Variants in OTOG observed in about 807,000 individuals in gnomAD.
OTOG encodes the protein otogelin.
A neutral mutation model predicts 313.8 loss-of-function variants in OTOG; 296 were observed. The ratio of observed to expected loss-of-function variants is 0.94; its 90% CI spans 0.86 to 1.04. The LOEUF (loss-of-function observed/expected upper bound fraction) is 1.04, where lower values mean the gene tolerates loss of function less well. Among genes scored for constraint, OTOG ranks in the 50% least tolerant of loss-of-function variants. The pLI is 0.00. For missense variants in OTOG, 3,948 were observed against 3,840.1 expected (o/e 1.03, Z -0.74); for synonymous variants, 1,533 against 1,554.9 (o/e 0.99, Z 0.33).
chr11:17,576,643 G>T lies in OTOG; in HGVS notation c.2561+13G>T, dbSNP rs1488989282. The T allele has an allele frequency of 1.3e-6, 2 of 1,543,090 alleles. No homozygotes were observed. Among genetic ancestry groups the T allele is most frequent in the Non-Finnish European group, 1.8e-6 (2 of 1,140,218 alleles). ...CCCTGGGCCACTGGTGAGCTCCGTA[G>T]GTAGCAGCCTTCTTGTCCTCTCTTT... On this transcript the variant is annotated intron_variant, in intron 21 of 55. Coordinates refer to ENST00000399397, the MANE Select transcript of OTOG (RefSeq NM_001292063.2).
chr11:17,561,610 G>A (rs2134011096), intron 14 of OTOG, 52 bp from the exon 15 acceptor site: 1 of 1,543,094 alleles, frequency 6.5e-7, no homozygotes, highest in Non-Finnish European at 8.8e-7. Context: ...TTGCAGGGCA[G>A]AGTTCCCCTG....
Position 17,569,153 on chromosome 11 carries a change from C to T in OTOG, c.1645-3C>T. On this transcript the variant is annotated splice_region_variant and splice_polypyrimidine_tract_variant and intron_variant, in intron 15 of 55. Coordinates refer to ENST00000399397, the MANE Select transcript of OTOG (RefSeq NM_001292063.2). The stretch of plus-strand genomic sequence containing the variant: ...TGCCCCATTGACCTTTCTATCTCTC[C>T]AGAACCAAGATGGAGCCTGTGTCCA... 1 of 1,550,636 alleles carries T rather than the reference C, an allele frequency of 6.4e-7. No homozygotes were observed. The highest frequency in any genetic ancestry group is 8.7e-7 in the Non-Finnish European group (1 of 1,147,018).
At chr11:17,641,771 C>T in intron 51 of OTOG, 76 bp from the exon 52 acceptor site, 2 of 1,099,274 alleles carry the variant, frequency 1.8e-6, no homozygotes, top group Non-Finnish European at 2.6e-6. Flanking sequence ...TGGGATCCCT[C>T]ACAGATAACC....
In OTOG at chr11:17,606,088, A is replaced by G. The variant is rs1365580711; in HGVS notation, c.4109A>G (p.Tyr1370Cys). ...VSGAVLALRL[Y>C]EHTEVFRRGT... is the part of the protein sequence containing the mutation. ...GGCGCGGTGCTGGCCCTGCGGCTGT[A>G]CGAACACACAGAGGTGTTCCGCCGG... Residue 1370 changes from tyrosine (Y) to cysteine (C), a missense_variant, in exon 33 of 56, where the codon TAC (tyrosine) becomes TGC (cysteine). Physicochemically the swap from Tyr to Cys is radical, Grantham distance 194. Coordinates refer to ENST00000399397, the MANE Select transcript of OTOG (RefSeq NM_001292063.2). 1.3e-6 allele frequency: 2 copies of G among 1,549,762 alleles called. No individual in the cohort carries two copies. Among genetic ancestry groups the G allele is most frequent in the Admixed American group, 3.9e-5 (2 of 50,974 alleles).
intron 25 of OTOG, 119 bp downstream of exon 25, chr11:17,591,707 G>A (rs1282429491): frequency 2.3e-6 from 3 of 1,314,388 alleles, no homozygotes; most frequent in African/African-American, 2.9e-5. Flanking sequence ...CCTGAGGTGG[G>A]GCTATCTAGA....
chr11:17,636,693 T>A (rs1373685501), intron 47 of OTOG, among the ~76,000 whole-genome samples: 4 of 151,970 alleles, frequency 2.6e-5, no homozygotes, highest in Non-Finnish European at 5.9e-5. Context: ...TCTCTTTCTA[T>A]CATTACCCCT....
At position 17,610,766 on chromosome 11, in the gene OTOG, C is replaced by A; in HGVS notation, c.5466C>A (p.Pro1822=). ...GCACATCTGCCCCAGTGGCCACACCCGGCCCCAAAGCCTCTGTCATCACCA... is the reference window on the plus strand; with the variant it reads ...GCACATCTGCCCCAGTGGCCACACCAGGCCCCAAAGCCTCTGTCATCACCA... ...KVGTSAPVAT[P]GPKASVITTP... The change falls in exon 36 of 56, where the codon CCC becomes CCA. Residue 1822 remains proline (P), a synonymous_variant. Transcript: ENST00000399397. The A allele has an allele frequency of 6.5e-7, 1 of 1,550,058 alleles. No individual in the cohort carries two copies. The highest frequency in any genetic ancestry group is 8.7e-7 in the Non-Finnish European group (1 of 1,146,996).
chr11:17,558,537 G>C lies in OTOG; in HGVS notation c.997-1G>C. 6.4e-7 allele frequency: 1 copy of C among 1,550,418 alleles called. No individual in the cohort carries two copies. Among genetic ancestry groups the C allele is most frequent in the African/African-American group, 1.4e-5 (1 of 73,192 alleles). On this transcript the variant is annotated splice_acceptor_variant, in intron 9 of 55. Coordinates refer to ENST00000399397, the MANE Select transcript of OTOG (RefSeq NM_001292063.2). LOFTEE classifies it high-confidence loss of function. ...CCCTGGCTCCTGGTCCCTTGCTCTAGGGCGTGTACGAGCAGTGTGAGGCTC... is the reference window on the plus strand; with the variant it reads ...CCCTGGCTCCTGGTCCCTTGCTCTACGGCGTGTACGAGCAGTGTGAGGCTC...
intron 16 of OTOG, among the ~76,000 whole-genome samples, chr11:17,569,556 A>G (rs1466182954): frequency 2.0e-5 from 3 of 152,212 alleles, no homozygotes; most frequent in Non-Finnish European, 2.9e-5. Flanking sequence ...CCTGACTCTC[A>G]TAACTTGTTT....
chr11:17,608,225 C>A, intron 33 of OTOG, 71 bp from the exon 34 acceptor site: 1 of 1,034,188 alleles, frequency 9.7e-7, no homozygotes, highest in Non-Finnish European at 1.4e-6. Context: ...GGATGGGGGG[C>A]AGGGCTGAGC....
At position 17,576,647 on chromosome 11, in the gene OTOG, GC is replaced by G. The variant is rs1479510195; in HGVS notation, c.2561+18del. On this transcript the variant is annotated intron_variant, in intron 21 of 55. Transcript: ENST00000399397. ...GGGCCACTGGTGAGCTCCGTAGGTA[GC>G]AGCCTTCTTGTCCTCTCTTTAAAGG... is the stretch of plus-strand genomic sequence containing the variant. 5.2e-5 allele frequency: 80 copies of G among 1,539,998 alleles called. No individual in the cohort carries two copies. The highest frequency in any genetic ancestry group is 6.9e-5 in the Non-Finnish European group (78 of 1,137,418).
At chr11:17,551,948 A>G in intron 3 of OTOG, 52 bp from the exon 4 acceptor site, 1 of 1,506,968 alleles carries the variant, frequency 6.6e-7, no homozygotes, top group South Asian at 1.2e-5. Context: ...CTGCCTGGGA[A>G]CCCGTCCTGA....
At chr11:17,636,945 G>C (rs1181582203) in intron 47 of OTOG, among the ~76,000 whole-genome samples, 1 of 152,072 alleles carries the variant, frequency 6.6e-6, no homozygotes, top group Non-Finnish European at 1.5e-5. Context: ...TTTTGTGAAG[G>C]ACCAAATGGT....
Position 17,547,284 on chromosome 11 carries a change from C to CGGA in OTOG, c.-87_-85dup, listed in dbSNP as rs1851828040. The CGGA allele has an allele frequency of 9.0e-7, 1 of 1,110,358 alleles. No individual in the cohort carries two copies. The highest frequency in any genetic ancestry group is 1.2e-6 in the Non-Finnish European group (1 of 863,860). The allele number at this position is 1,110,358 out of a possible 1,614,324, so 68.8% of individuals were successfully genotyped here. ...ATGAGAACAAGAGGGACCTCGGCTG[C>CGGA]GGAGTGGAGGTGTGACCCTGCCTTA... On this transcript the variant is annotated 5_prime_UTR_variant, in exon 1 of 56. Transcript: ENST00000399397.
chr11:17,606,512 A>C (rs1489566508), intron 33 of OTOG, among the ~76,000 whole-genome samples: 1 of 152,148 alleles, frequency 6.6e-6, no homozygotes, highest in Non-Finnish European at 1.5e-5. Context: ...CATGAGTTCA[A>C]AGACTGCACA....
chr11:17,573,771 G>A (rs1452701609), intron 19 of OTOG, among the ~76,000 whole-genome samples: 1 of 152,180 alleles, frequency 6.6e-6, no homozygotes, highest in African/African-American at 2.4e-5. Context: ...CTGGCACAAG[G>A]CCTGACTCTC....
intron 39 of OTOG, among the ~76,000 whole-genome samples, chr11:17,625,009 A>G (rs1402360220): frequency 6.6e-6 from 1 of 152,150 alleles, no homozygotes; most frequent in Non-Finnish European, 1.5e-5. Flanking sequence ...TTGATTTTGT[A>G]TCTTGAGACT....
rs1391209480 is a variant in OTOG at position 17,573,154 on chromosome 11, G to A, written c.2157G>A (p.Val719=). 2 of 1,544,924 alleles carry A rather than the reference G, an allele frequency of 1.3e-6. No homozygotes were observed. Among genetic ancestry groups the A allele is most frequent in the East Asian group, 2.4e-5 (1 of 40,926 alleles). The change falls in exon 19 of 56, where the codon GTG becomes GTA. Residue 719 remains valine (V), a synonymous_variant. Coordinates refer to ENST00000399397, the MANE Select transcript of OTOG (RefSeq NM_001292063.2). ...CCTGCTCTGCGTTCCTGAGCCCCGT[G>A]CCCTACTTTGAGCAGTGCCGCAGGG... ...FAPCSAFLSP[V]PYFEQCRRDA... is the part of the protein sequence containing the mutation.
chr11:17,626,637 T>C (rs1397538326), intron 39 of OTOG, among the ~76,000 whole-genome samples: 1 of 152,180 alleles, frequency 6.6e-6, no homozygotes, highest in Admixed American at 6.5e-5. Context: ...TTTAGGGTTG[T>C]TTTTTCTATT....
Sources: allele counts gnomAD v4.1 joint callset (sites outside exome capture counted in the v4.1 genomes callset), GRCh38; gene constraint gnomAD v4.1.1; transcripts MANE v1.5; gene names NCBI Gene and HGNC (gene_info 2026-07-23, HGNC 2026-07-21).